Variants in DTNA observed in about 807,000 individuals in gnomAD.
The protein encoded by DTNA is dystrobrevin alpha, also known as dystrophin-related protein 3.
A neutral mutation model predicts 100.7 loss-of-function variants in DTNA; 43 were observed. The observed-to-expected ratio is 0.43, with a 90% CI of 0.33 to 0.55. The LOEUF is 0.55. Ranked by LOEUF, DTNA falls within the 20% of genes least tolerant of loss-of-function variation. The pLI is 0.04. For synonymous variants in DTNA, 349 were observed against 347.9 expected (o/e 1.00, Z -0.04); for missense variants, 798 against 953.9 (o/e 0.84, Z 2.15).
At chr18:34,818,650 A>G in intron 8 of DTNA, 1 of 1,159,284 alleles carries the variant, frequency 8.6e-7, no homozygotes, top group Non-Finnish European at 1.1e-6. Flanking sequence ...CATTCACAGT[A>G]AGTTAAAATC....
At chr18:34,532,472 CA>C (rs1377938415) in intron 1 of DTNA, among the ~76,000 whole-genome samples, 1 of 151,970 alleles carries the variant, frequency 6.6e-6, no homozygotes, top group Non-Finnish European at 1.5e-5. Flanking sequence ...GTTGGAATGC[CA>C]GATTGCAACT....
intron 1 of DTNA, among the ~76,000 whole-genome samples, chr18:34,717,685 A>G (rs980791513): frequency 1.3e-5 from 2 of 152,224 alleles, no homozygotes; most frequent in African/African-American, 4.8e-5. Context: ...CCTAAGGAGT[A>G]AATGGTGCAG....
intron 1 of DTNA, among the ~76,000 whole-genome samples, chr18:34,723,471 T>G (rs1486751415): frequency 6.6e-6 from 1 of 152,200 alleles, no homozygotes; most frequent in African/African-American, 2.4e-5. Flanking sequence ...TAGAAATAAT[T>G]TATATATTGT....
chr18:34,693,746 CTGTGTGTGTG>C (rs34072179), intron 1 of DTNA, among the ~76,000 whole-genome samples: 94 of 143,186 alleles, frequency 6.6e-4, no homozygotes, highest in African/African-American at 2.1e-3. Flanking sequence ...CTTGTGTGCA[CTGTGTGTGTG>C]TGTGTGTGTG....
At chr18:34,644,674 A>AT (rs1271702578) in intron 1 of DTNA, among the ~76,000 whole-genome samples, 1 of 152,108 alleles carries the variant, frequency 6.6e-6, no homozygotes, top group African/African-American at 2.4e-5. Flanking sequence ...GGCTTAAAAA[A>AT]TTTTTTGAGC....
chr18:34,801,976 C>T (rs2095231141), intron 4 of DTNA, among the ~76,000 whole-genome samples: 1 of 152,182 alleles, frequency 6.6e-6, no homozygotes, highest in South Asian at 2.1e-4. Flanking sequence ...CTGATCCCGC[C>T]CCTAAAAGTC....
At chr18:34,511,587 C>T (rs996305719) in intron 1 of DTNA, among the ~76,000 whole-genome samples, 27 of 152,062 alleles carry the variant, frequency 1.8e-4, no homozygotes, top group Admixed American at 7.9e-4. Context: ...GTGCAAACTG[C>T]CATTCATATG....
At chr18:34,818,821 GA>G (rs2097058603) in intron 8 of DTNA, among the ~76,000 whole-genome samples, 1 of 152,156 alleles carries the variant, frequency 6.6e-6, no homozygotes, top group Non-Finnish European at 1.5e-5. Flanking sequence ...CTTTTCTGCA[GA>G]GGGTGGGGAG....
intron 3 of DTNA, among the ~76,000 whole-genome samples, chr18:34,766,530 GGA>G (rs2093479886): frequency 6.6e-6 from 1 of 151,948 alleles, no homozygotes; most frequent in African/African-American, 2.4e-5. Context: ...TTGTGGTGTG[GGA>G]GGAAGGGGGA....
intron 1 of DTNA, among the ~76,000 whole-genome samples, chr18:34,711,963 T>C (rs769569450): frequency 1.3e-5 from 2 of 152,162 alleles, no homozygotes; most frequent in Non-Finnish European, 2.9e-5. Context: ...GCTATGACCA[T>C]GTCTTTCAAA....
At chr18:34,517,829 A>AT (rs1223444197) in intron 1 of DTNA, among the ~76,000 whole-genome samples, 2 of 152,064 alleles carry the variant, frequency 1.3e-5, no homozygotes, top group African/African-American at 2.4e-5. Context: ...GATATACCAC[A>AT]TTTTGTATAA....
rs1283190669 is a variant in DTNA, at chr18:34,794,021, T to C, written c.149-16T>C. 6.2e-7 allele frequency: 1 copy of C among 1,612,448 alleles called. No individual in the cohort carries two copies. The highest frequency in any genetic ancestry group is 1.3e-5 in the African/African-American group (1 of 74,926). ...CATTACTTTGGGCTGATGTGTTAAC[T>C]CTGCTTTAATTGTAGTGCACCTGGT... On this transcript the variant is annotated splice_polypyrimidine_tract_variant and intron_variant, in intron 3 of 22. Transcript: ENST00000444659.
rs754265551 is a variant in DTNA, at chr18:34,756,030, G to A, written c.54G>A (p.Leu18=). 9 of 1,613,130 alleles carry A rather than the reference G, an allele frequency of 5.6e-6. No homozygotes were observed. Among genetic ancestry groups the A allele is most frequent in the Non-Finnish European group, 6.8e-6 (8 of 1,179,554 alleles). ...ATACCATGGCAGAAAGAAGACAGCT[G>A]TTTGCAGAGATGAGTAAGTATGGAT... The part of the protein sequence containing the change: ...RGNTMAERRQ[L]FAEMRAQDLD... The change falls in exon 2 of 23, where the codon CTG becomes CTA. Residue 18 remains leucine, a synonymous_variant. Transcript: ENST00000444659.
intron 13 of DTNA, among the ~76,000 whole-genome samples, chr18:34,843,797 G>A (rs909611829): frequency 6.6e-6 from 1 of 152,022 alleles, no homozygotes; most frequent in Non-Finnish European, 1.5e-5. Context: ...TGAATTGTAT[G>A]CCTTTAATAT....
At chr18:34,540,111 T>C (rs1278804197) in intron 1 of DTNA, among the ~76,000 whole-genome samples, 1 of 151,962 alleles carries the variant, frequency 6.6e-6, no homozygotes, top group Admixed American at 6.6e-5. Context: ...ATTTAATAAA[T>C]CACCTTCATT....
chr18:34,823,219 T>C (rs1349993123), intron 9 of DTNA, among the ~76,000 whole-genome samples: 1 of 152,174 alleles, frequency 6.6e-6, no homozygotes, highest in Non-Finnish European at 1.5e-5. Flanking sequence ...AATGAAAAAA[T>C]AAATGGTATT....
intron 21 of DTNA, among the ~76,000 whole-genome samples, chr18:34,883,525 G>T (rs2096893952): frequency 6.6e-6 from 1 of 151,960 alleles, no homozygotes; most frequent in Non-Finnish European, 1.5e-5. Context: ...GTCCAAGCTG[G>T]TATTGAACTC....
intron 13 of DTNA, among the ~76,000 whole-genome samples, chr18:34,844,417 G>T (rs1269546166): frequency 6.6e-6 from 1 of 151,956 alleles, no homozygotes; most frequent in African/African-American, 2.4e-5. Context: ...GTGTCACTTT[G>T]TTCCTTTCTA....
rs562796454 is a variant in DTNA at position 34,878,299 on chromosome 18, T to G, written c.1993+491T>G. On this transcript the variant is annotated intron_variant, in intron 19 of 22. Coordinates refer to ENST00000444659, the MANE Select transcript of DTNA (RefSeq NM_001386795.1). ...TTTTTAAGTAATGTTTATATTTTGC[T>G]TATTAAAAGACTATTAACACATACT... 2.1e-3 allele frequency among the ~76,000 whole-genome samples: 323 copies of G among 152,288 alleles called. 2 individuals are homozygous for G. The highest frequency in any genetic ancestry group is 4.1e-3 in the Non-Finnish European group (276 of 68,022).
Sources: gnomAD v4.1 joint callset for allele counts (sites outside exome capture counted in the v4.1 genomes callset) on GRCh38, gnomAD v4.1.1 for gene constraint, MANE v1.5 for transcripts, NCBI Gene and HGNC (gene_info 2026-07-23, HGNC 2026-07-21) for gene names.